Variants in ANXA11 observed in about 807,000 individuals in gnomAD.
ANXA11 encodes 56 kDa autoantigen.
A neutral mutation model predicts 64.7 loss-of-function variants in ANXA11; 57 were observed. The ratio of observed to expected loss-of-function variants is 0.88; its 90% confidence interval spans 0.71 to 1.10. The LOEUF (loss-of-function observed/expected upper bound fraction) is 1.10. ANXA11 is among the 50% of genes least tolerant of loss of function. ANXA11 has a pLI of 0.00. For missense variants in ANXA11, 675 were observed against 670.7 expected (o/e 1.01, Z -0.07); for synonymous variants, 260 against 265.2 (o/e 0.98, Z 0.19).
chr10:80,166,964 T>C lies in ANXA11; in HGVS notation c.670A>G (p.Ile224Val), dbSNP rs146991024. 2.0e-5 allele frequency: 32 copies of C among 1,604,618 alleles called. No homozygotes were observed. In the African/African-American group the frequency reaches 3.6e-4, roughly 18 times the overall value. The change falls in exon 7 of 16, where the codon ATT becomes GTT. Residue 224 changes from isoleucine to valine, a missense_variant. Physicochemically the swap from Ile to Val is conservative, Grantham distance 29. Coordinates refer to ENST00000422982, the MANE Select transcript of ANXA11 (RefSeq NM_145868.2). ...TTGGAGCGACTCCCCAGGCAGTCAA[T>C]GATGGCCTGCTCATCCGTCCCTGGA... is the stretch of plus-strand genomic sequence containing the variant. ...KGFGTDEQAIIDCLGSRSNKQ... is the reference protein window; with the variant it reads ...KGFGTDEQAIVDCLGSRSNKQ...
intron 1 of ANXA11, among the ~76,000 whole-genome samples, chr10:80,202,738 A>G (rs1040232574): frequency 4.6e-5 from 7 of 152,088 alleles, no homozygotes; most frequent in Non-Finnish European, 8.8e-5. Context: ...CTTACGGGGG[A>G]AAACAGTGGC....
chr10:80,166,829 G>T, intron 7 of ANXA11, 61 bp downstream of exon 7: 1 of 1,294,802 alleles, frequency 7.7e-7, no homozygotes, highest in Non-Finnish European at 1.1e-6. Context: ...GCAGGGGAGA[G>T]CAGGGCTGTG....
chr10:80,176,622 C>T (rs1312202825), intron 1 of ANXA11, among the ~76,000 whole-genome samples: 3 of 151,528 alleles, frequency 2.0e-5, no homozygotes, highest in African/African-American at 7.2e-5. Context: ...AGCCGTCTGG[C>T]CCCCAAAGTC....
intron 9 of ANXA11, 80 bp from the exon 10 acceptor site, chr10:80,163,693 G>T: frequency 7.5e-7 from 1 of 1,335,086 alleles, no homozygotes; most frequent in Non-Finnish European, 1.0e-6. Flanking sequence ...TCAAAAGTGG[G>T]TACTGGGGAG....
intron 5 of ANXA11, among the ~76,000 whole-genome samples, chr10:80,167,973 G>A (rs1403800910): frequency 1.3e-5 from 2 of 152,172 alleles, no homozygotes; most frequent in African/African-American, 4.8e-5. Context: ...GGCAGCTCAG[G>A]GAAAAGATAA....
Position 80,166,870 on chromosome 10 carries a change from G to A in ANXA11, c.744+20C>T, listed in dbSNP as rs187044293. 1.8e-5 allele frequency: 29 copies of A among 1,581,000 alleles called. 1 individual carries two copies. Among genetic ancestry groups the A allele is most frequent in the South Asian group, 1.0e-4 (9 of 87,820 alleles). ...CCCAGGACACGCCTCACTGTCCCGCGCCCCCACCCCGCAGCTCGCCTTGCC... is the reference window on the plus strand; with the variant it reads ...CCCAGGACACGCCTCACTGTCCCGCACCCCCACCCCGCAGCTCGCCTTGCC... On this transcript the variant is annotated intron_variant, in intron 7 of 15. Transcript: ENST00000422982.
At chr10:80,176,835 GTCGACCCCA>G in intron 1 of ANXA11, among the ~76,000 whole-genome samples, 1 of 152,284 alleles carries the variant, frequency 6.6e-6, no homozygotes, top group East Asian at 1.9e-4. Flanking sequence ...CACAGGGCAG[GTCGACCCCA>G]CTGTGAGCTG....
intron 1 of ANXA11, among the ~76,000 whole-genome samples, chr10:80,203,041 T>C: frequency 1.0e-5 from 1 of 98,276 alleles, no homozygotes; most frequent in African/African-American, 5.1e-5. Flanking sequence ...GCGAAATCTG[T>C]CTCAAAAAAA....
At chr10:80,175,470 C>T (rs967003443) in intron 2 of ANXA11, among the ~76,000 whole-genome samples, 4 of 152,100 alleles carry the variant, frequency 2.6e-5, no homozygotes, top group African/African-American at 9.7e-5. Flanking sequence ...GAAACAGAAG[C>T]TGGATACCAC....
intron 2 of ANXA11, among the ~76,000 whole-genome samples, chr10:80,174,018 T>C (rs1044180848): frequency 2.0e-5 from 3 of 152,234 alleles, no homozygotes; most frequent in African/African-American, 7.2e-5. Flanking sequence ...TATAAGAGTC[T>C]AGCTGCCCTT....
chr10:80,156,914 G>A, intron 15 of ANXA11: 1 of 812,894 alleles, frequency 1.2e-6, no homozygotes, highest in African/African-American at 1.9e-5. Context: ...TCTAAGGTGG[G>A]AGGACGTGGT....
chr10:80,167,110 A>G, intron 6 of ANXA11, 116 bp downstream of exon 6: 1 of 1,279,318 alleles, frequency 7.8e-7, no homozygotes, highest in Non-Finnish European at 1.1e-6. Flanking sequence ...TCCACCTTCT[A>G]TCACCACTGG....
At chr10:80,169,860 C>G (rs1035716425) in intron 4 of ANXA11, among the ~76,000 whole-genome samples, 5 of 152,172 alleles carry the variant, frequency 3.3e-5, no homozygotes, top group South Asian at 2.1e-4. Flanking sequence ...ATCTCACCCC[C>G]TCGCCTTTCC....
intron 8 of ANXA11, among the ~76,000 whole-genome samples, chr10:80,165,633 T>C (rs558749818): frequency 2.0e-5 from 3 of 152,332 alleles, no homozygotes; most frequent in African/African-American, 7.2e-5. Flanking sequence ...GAGAGACGTC[T>C]GGCCTGGGCC....
At chr10:80,191,424 A>AAGAAAAC (rs1846771649) in intron 1 of ANXA11, among the ~76,000 whole-genome samples, 1 of 152,078 alleles carries the variant, frequency 6.6e-6, no homozygotes, top group Non-Finnish European at 1.5e-5. Flanking sequence ...AAAAACTTTA[A>AAGAAAAC]AGAAAACTAA....
At chr10:80,189,521 C>A (rs1399281243) in intron 1 of ANXA11, among the ~76,000 whole-genome samples, 2 of 152,238 alleles carry the variant, frequency 1.3e-5, no homozygotes, top group African/African-American at 4.8e-5. Context: ...AGCAATCTCA[C>A]TCCTGGGCAT....
chr10:80,196,136 T>A (rs1383388874), intron 1 of ANXA11, among the ~76,000 whole-genome samples: 1 of 152,184 alleles, frequency 6.6e-6, no homozygotes, highest in African/African-American at 2.4e-5. Flanking sequence ...ATATATTACA[T>A]CCCTATATAT....
intron 1 of ANXA11, among the ~76,000 whole-genome samples, chr10:80,188,511 A>ATATATATATATATATATATATACATG: frequency 7.9e-6 from 1 of 126,502 alleles, no homozygotes; most frequent in African/African-American, 3.0e-5. Context: ...ATATATATAT[A>ATATATATATATATATATATATACATG]GCACTACAAC....
intron 7 of ANXA11, 29 bp from the exon 8 acceptor site, chr10:80,166,226 C>CAAA (rs61537094): frequency 7.6e-6 from 8 of 1,047,048 alleles, no homozygotes; most frequent in Admixed American, 2.4e-5. Flanking sequence ...AAACAACCAA[C>CAAA]AAAAAAAAAA....
Sources: gnomAD v4.1 joint callset for allele counts (sites outside exome capture counted in the v4.1 genomes callset) on GRCh38, gnomAD v4.1.1 for gene constraint, MANE v1.5 for transcripts, NCBI Gene and HGNC (gene_info 2026-07-23, HGNC 2026-07-21) for gene names.